The following ANKS1B variants were observed in gnomAD, a reference collection of about 807,000 sequenced individuals.
ANKS1B encodes ankyrin repeat and sterile alpha motif domain containing 1B.
ANKS1B carries 36 observed loss-of-function variants against 148.3 expected under a neutral mutation model. That is an observed-to-expected ratio of 0.24 (90% CI 0.19 to 0.32). The LOEUF (loss-of-function observed/expected upper bound fraction) is 0.32. ANKS1B is among the 10% of genes least tolerant of loss of function. ANKS1B has a pLI of 1.00. For synonymous variants in ANKS1B, 542 were observed against 560.8 expected (o/e 0.97, Z 0.47); for missense variants, 1,157 against 1,542.6 (o/e 0.75, Z 4.19).
intron 8 of ANKS1B, among the ~76,000 whole-genome samples, chr12:99,664,175 A>C (rs988447165): frequency 3.3e-5 from 5 of 152,200 alleles, no homozygotes; most frequent in Middle Eastern, 3.4e-3. Flanking sequence ...TCAACAAGAC[A>C]GTACAGAAGG....
At chr12:99,065,630 CCAT>C (rs1175691492) in intron 16 of ANKS1B, among the ~76,000 whole-genome samples, 8 of 124,776 alleles carry the variant, frequency 6.4e-5, no homozygotes, top group African/African-American at 2.3e-4. Context: ...ATCCATCCAT[CCAT>C]CCATCCCATC....
At chr12:99,813,732 G>A (rs1326500516) in intron 2 of ANKS1B, among the ~76,000 whole-genome samples, 1 of 151,594 alleles carries the variant, frequency 6.6e-6, no homozygotes, top group Non-Finnish European at 1.5e-5. Flanking sequence ...AATCCAAGGA[G>A]TCCTAAATTG....
At chr12:99,236,104 T>G (rs2153957498) in intron 14 of ANKS1B, among the ~76,000 whole-genome samples, 1 of 152,350 alleles carries the variant, frequency 6.6e-6, no homozygotes, top group Admixed American at 6.5e-5. Context: ...CTGATGCAAG[T>G]GATTTGTAGA....
At chr12:98,885,177 T>C (rs535864788) in intron 17 of ANKS1B, among the ~76,000 whole-genome samples, 90 of 152,278 alleles carry the variant, frequency 5.9e-4, no homozygotes, top group Admixed American at 2.0e-3. Context: ...AGAACTTCCC[T>C]TCCTCAATAT....
chr12:98,884,728 A>G (rs1185414118), intron 17 of ANKS1B, among the ~76,000 whole-genome samples: 1 of 148,386 alleles, frequency 6.7e-6, no homozygotes, highest in African/African-American at 2.5e-5. Flanking sequence ...GAACCCGGGA[A>G]GCGGAGCTTG....
chr12:99,725,395 T>C (rs1403693724), intron 8 of ANKS1B, among the ~76,000 whole-genome samples: 1 of 151,928 alleles, frequency 6.6e-6, no homozygotes, highest in East Asian at 1.9e-4. Flanking sequence ...CCAACAAAGA[T>C]AAAAAAAGAC....
At chr12:99,648,387 G>C (rs775101098) in intron 9 of ANKS1B, 2 of 1,614,130 alleles carry the variant, frequency 1.2e-6, no homozygotes, top group Non-Finnish European at 1.7e-6. Flanking sequence ...TGGTAACAAT[G>C]GGCATCGTTC....
chr12:99,078,296 A>T (rs1212715437), intron 16 of ANKS1B, among the ~76,000 whole-genome samples: 2 of 152,220 alleles, frequency 1.3e-5, no homozygotes, highest in African/African-American at 4.8e-5. Flanking sequence ...AGACTCACTG[A>T]CCTAATATAT....
At chr12:98,917,966 C>T (rs962418709) in intron 17 of ANKS1B, among the ~76,000 whole-genome samples, 4 of 152,266 alleles carry the variant, frequency 2.6e-5, no homozygotes, top group Admixed American at 1.3e-4. Context: ...TAAATCATGG[C>T]CCCTGTCCTT....
intron 11 of ANKS1B, among the ~76,000 whole-genome samples, chr12:99,407,129 A>G (rs1186741335): frequency 6.9e-6 from 1 of 145,824 alleles, no homozygotes; most frequent in African/African-American, 2.6e-5. Context: ...AAAATTCTCA[A>G]CAAAATACTA....
intron 11 of ANKS1B, among the ~76,000 whole-genome samples, chr12:99,425,075 CTG>C (rs1333105756): frequency 1.3e-5 from 2 of 151,988 alleles, no homozygotes; most frequent in Non-Finnish European, 2.9e-5. Flanking sequence ...TGCTGTGATT[CTG>C]GGGGCTGCCC....
At chr12:99,946,982 C>CT (rs148942579) in intron 1 of ANKS1B, among the ~76,000 whole-genome samples, 7,863 of 152,222 alleles carry the variant, frequency 0.052, 314 homozygotes, top group Admixed American at 0.098. Flanking sequence ...TTAGGAAGCA[C>CT]TACTGGGGCA....
At chr12:99,354,066 G>A (rs2091734612) in intron 12 of ANKS1B, among the ~76,000 whole-genome samples, 1 of 152,020 alleles carries the variant, frequency 6.6e-6, no homozygotes, top group Non-Finnish European at 1.5e-5. Flanking sequence ...GATAAAAGAA[G>A]TATCACAAAA....
chr12:99,535,507 CAA>C (rs1422765130), intron 9 of ANKS1B, among the ~76,000 whole-genome samples: 1 of 152,202 alleles, frequency 6.6e-6, no homozygotes. Flanking sequence ...CCCAAAAACT[CAA>C]ATACTTTCTA....
chr12:99,216,359 A>G (rs1373187970), intron 14 of ANKS1B, among the ~76,000 whole-genome samples: 1 of 152,226 alleles, frequency 6.6e-6, no homozygotes, highest in Non-Finnish European at 1.5e-5. Context: ...TCTTAATGAG[A>G]GAATAACATT....
At chr12:98,938,336 A>G (rs1567890791) in intron 17 of ANKS1B, among the ~76,000 whole-genome samples, 1 of 152,184 alleles carries the variant, frequency 6.6e-6, no homozygotes, top group Non-Finnish European at 1.5e-5. Context: ...GAGCAAAACA[A>G]TCCTAATTGA....
At chr12:99,387,503 C>T (rs1394757721) in intron 12 of ANKS1B, among the ~76,000 whole-genome samples, 3 of 152,040 alleles carry the variant, frequency 2.0e-5, no homozygotes, top group African/African-American at 7.2e-5. Flanking sequence ...GTAGTCCCAG[C>T]TACTCGGGAG....
At chr12:99,588,575 C>A (rs905179241) in intron 9 of ANKS1B, among the ~76,000 whole-genome samples, 9 of 152,050 alleles carry the variant, frequency 5.9e-5, no homozygotes, top group African/African-American at 1.9e-4. Flanking sequence ...CGCCACTACG[C>A]CCGGCTAATT....
At chr12:99,227,932 A>G (rs966929753) in intron 14 of ANKS1B, among the ~76,000 whole-genome samples, 3 of 152,038 alleles carry the variant, frequency 2.0e-5, no homozygotes, top group African/African-American at 7.2e-5. Context: ...AATATATTTA[A>G]AAAACATTGT....
Sources: allele counts gnomAD v4.1 joint callset (sites outside exome capture counted in the v4.1 genomes callset), GRCh38; gene constraint gnomAD v4.1.1; transcripts MANE v1.5; gene names NCBI Gene and HGNC (gene_info 2026-07-23, HGNC 2026-07-21).